Variants in USP7 observed in about 807,000 individuals in gnomAD.
USP7 encodes the protein ubiquitin C-terminal hydrolase 7.
A neutral mutation model predicts 162.9 loss-of-function variants in USP7; 9 were observed. The observed-to-expected ratio is 0.06, with a 90% CI of 0.03 to 0.10. The LOEUF (loss-of-function observed/expected upper bound fraction) is 0.10. Among genes scored for constraint, USP7 ranks in the 10% least tolerant of loss-of-function variants. The pLI is 1.00. For synonymous variants in USP7, 562 were observed against 475.9 expected (o/e 1.18, Z -2.35); for missense variants, 715 against 1,373.7 (o/e 0.52, Z 7.58).
At chr16:8,895,930 G>A (rs372283736) in intron 26 of USP7, among the ~76,000 whole-genome samples, 189 bp from the exon 27 acceptor site, 2 of 151,002 alleles carry the variant, frequency 1.3e-5, no homozygotes, top group African/African-American at 4.9e-5. Flanking sequence ...TCCGCCTCCC[G>A]GGTTCAAGCA....
rs2061769708 is a variant in USP7 at position 8,901,288 on chromosome 16, TAAAAAACAAAAAAACAAACAAACA to T, written c.2048-78_2048-55del. Reference sequence around the variant, plus strand: ...AGATCCAAACACTCAGCACAATGCTTAAAAAACAAAAAAACAAACAAACAAAAAAACGAAAAAAAAAAAACAGTA... The same window carrying T: ...AGATCCAAACACTCAGCACAATGCTTAAAAAACGAAAAAAAAAAAACAGTA... On this transcript the variant is annotated intron_variant, in intron 18 of 30. Transcript: ENST00000344836. The T allele has an allele frequency of 3.3e-6, 4 of 1,219,206 alleles. No homozygotes were observed. The African/African-American group carries it at 6.8e-5, about 21-fold the overall frequency. The allele number at this position is 1,219,206 out of a possible 1,614,324, so 75.5% of individuals were successfully genotyped here.
At chr16:8,919,166 G>T in intron 5 of USP7, 27 bp from the exon 6 acceptor site, 1 of 1,602,062 alleles carries the variant, frequency 6.2e-7, no homozygotes, top group Non-Finnish European at 8.6e-7. Flanking sequence ...AGGTTGAGGG[G>T]ATCTTGCAGA....
At chr16:8,954,482 G>A (rs1224837609) in intron 1 of USP7, among the ~76,000 whole-genome samples, 1 of 152,138 alleles carries the variant, frequency 6.6e-6, no homozygotes, top group Admixed American at 6.5e-5. Context: ...CCACAATACA[G>A]CTTGTGAGAT....
At chr16:8,929,773 T>A (rs1008325463) in intron 2 of USP7, among the ~76,000 whole-genome samples, 1 of 152,152 alleles carries the variant, frequency 6.6e-6, no homozygotes, top group South Asian at 2.1e-4. Flanking sequence ...TGCACATACA[T>A]ATGAGTATGC....
Position 8,893,303 on chromosome 16 carries a change from T to G in USP7, c.*695A>C, listed in dbSNP as rs1342637687. On this transcript the variant is annotated 3_prime_UTR_variant, in exon 31 of 31. Transcript: ENST00000344836. The stretch of plus-strand genomic sequence containing the variant: ...TCTGCCAAGGCAGCAGAGTAAACCT[T>G]AATTGAATTTAACAATGTTCTTGAT... The G allele has an allele frequency of 6.6e-6, 1 of 152,238 alleles. No individual in the cohort carries two copies. The highest frequency in any genetic ancestry group is 1.5e-5 in the Non-Finnish European group (1 of 68,088). 9.4% of individuals were successfully genotyped at this position (152,238 alleles called of 1,614,324 possible). A position where few individuals can be genotyped will look rare whatever the true frequency, so the allele number is the denominator to read the frequency against.
intron 21 of USP7, 182 bp from the exon 22 acceptor site, chr16:8,899,939 C>A: frequency 1.4e-6 from 1 of 703,818 alleles, no homozygotes; most frequent in Non-Finnish European, 2.4e-6. Context: ...GGCAAGTATG[C>A]ATGGGGATGC....
chr16:8,895,075 C>T lies in USP7; in HGVS notation c.2995G>A (p.Val999Ile). 1 of 1,614,232 alleles carries T rather than the reference C, an allele frequency of 6.2e-7. No homozygotes were observed. The highest frequency in any genetic ancestry group is 8.5e-7 in the Non-Finnish European group (1 of 1,180,038). The change falls in exon 28 of 31, where the codon GTC becomes ATC. Residue 999 changes from valine (V) to isoleucine (I), a missense_variant. Val to Ile is a conservative substitution (Grantham distance 29). Around this residue, in one of 11 missense-constraint regions of USP7, gnomAD observed 222 missense variants for 441.7 expected, o/e 0.50. Coordinates refer to ENST00000344836, the MANE Select transcript of USP7 (RefSeq NM_003470.3). ...AACGGGATTCCGAACGTTCCGAAGA[C>T]CTCTTTGTGGAAATGCGCCACTGTG... is the stretch of plus-strand genomic sequence containing the variant. ...LVTVAHFHKEVFGTFGIPFLL... is the reference protein window; with the variant it reads ...LVTVAHFHKEIFGTFGIPFLL...
Position 8,902,282 on chromosome 16 carries a change from C to A in USP7, c.1942-95G>T, listed in dbSNP as rs2061786862. The A allele has an allele frequency of 5.7e-6, 9 of 1,573,622 alleles. No homozygotes were observed. In the South Asian group the frequency reaches 9.1e-5, roughly 16 times the overall value. On this transcript the variant is annotated intron_variant, in intron 17 of 30. Coordinates refer to ENST00000344836, the MANE Select transcript of USP7 (RefSeq NM_003470.3). ...CAAGTATTGAAGAAAACGTCCAATT[C>A]TAGTTAAGTGGACCAAAAGGGAAAC...
At chr16:8,947,194 C>G (rs1255853045) in intron 1 of USP7, among the ~76,000 whole-genome samples, 1 of 152,160 alleles carries the variant, frequency 6.6e-6, no homozygotes, top group Non-Finnish European at 1.5e-5. Context: ...TCTATTACAA[C>G]AGACAATAAA....
At chr16:8,901,447 C>T (rs1362461059) in intron 18 of USP7, among the ~76,000 whole-genome samples, 1 of 152,152 alleles carries the variant, frequency 6.6e-6, no homozygotes, top group Admixed American at 6.5e-5. Flanking sequence ...TTCCAAACAT[C>T]AGACCCATGG....
Position 8,898,454 on chromosome 16 carries a change from G to A in USP7, c.2641-17C>T, listed in dbSNP as rs998571227. 4.3e-6 allele frequency: 7 copies of A among 1,610,300 alleles called. No homozygotes were observed. Among genetic ancestry groups the A allele is most frequent in the Non-Finnish European group, 5.1e-6 (6 of 1,178,502 alleles). On this transcript the variant is annotated splice_polypyrimidine_tract_variant and intron_variant, in intron 24 of 30. Transcript: ENST00000344836. ...CATCTTAAGCTATTAAGAAAAGAAA[G>A]ATTCACATCAGATACCGTCACCAAA...
intron 6 of USP7, 138 bp downstream of exon 6, chr16:8,918,893 G>GC: frequency 1.2e-6 from 1 of 809,876 alleles, no homozygotes; most frequent in Non-Finnish European, 2.0e-6. Context: ...GAATGAAAAC[G>GC]CAGCATGAAC....
In USP7 at chr16:8,920,043, C is replaced by A. The variant is rs1596377818; in HGVS notation, c.611+316G>T. Among the ~76,000 whole-genome samples, 8 of 152,344 alleles carry A rather than the reference C, an allele frequency of 5.3e-5. No individual in the cohort carries two copies. The South Asian group carries it at 1.7e-3, about 32-fold the overall frequency. Reference sequence around the variant, plus strand: ...TGCCCTCATCAAAGTAACAACGGAGCATCTCTGCTCTGGGTATTTATGTAC... The same window carrying A: ...TGCCCTCATCAAAGTAACAACGGAGAATCTCTGCTCTGGGTATTTATGTAC... On this transcript the variant is annotated intron_variant, in intron 5 of 30. Transcript: ENST00000344836.
intron 2 of USP7, among the ~76,000 whole-genome samples, chr16:8,928,865 T>C (rs1337917960): frequency 6.6e-6 from 1 of 152,076 alleles, no homozygotes; most frequent in Non-Finnish European, 1.5e-5. Flanking sequence ...TCATAAGTCA[T>C]TCTCCCCAGG....
intron 6 of USP7, among the ~76,000 whole-genome samples, chr16:8,918,255 C>A (rs961612549): frequency 2.0e-5 from 3 of 152,172 alleles, no homozygotes; most frequent in African/African-American, 7.2e-5. Flanking sequence ...CCAGCCAGCT[C>A]CCTGCCCACC....
chr16:8,948,436 C>T (rs906908304), intron 1 of USP7, among the ~76,000 whole-genome samples: 28 of 152,306 alleles, frequency 1.8e-4, no homozygotes, highest in Admixed American at 6.5e-4. Flanking sequence ...CCACCGGCCT[C>T]GGCCTCCCAA....
At chr16:8,927,705 A>T (rs1267371691) in intron 2 of USP7, among the ~76,000 whole-genome samples, 1 of 152,136 alleles carries the variant, frequency 6.6e-6, no homozygotes, top group African/African-American at 2.4e-5. Flanking sequence ...GCGTGGTGGC[A>T]TTTGCCTGTA....
intron 1 of USP7, 138 bp from the exon 2 acceptor site, chr16:8,930,535 C>G: frequency 1.7e-6 from 1 of 604,200 alleles, no homozygotes; most frequent in Non-Finnish European, 2.7e-6. Context: ...TCATTCTAAT[C>G]CAAAAAATAT....
At chr16:8,959,746 C>G (rs1899936755) in intron 1 of USP7, among the ~76,000 whole-genome samples, 1 of 152,300 alleles carries the variant, frequency 6.6e-6, no homozygotes, top group Non-Finnish European at 1.5e-5. Context: ...CAAGAGAACT[C>G]ACATTCTACT....
Sources: allele counts gnomAD v4.1 joint callset (sites outside exome capture counted in the v4.1 genomes callset), GRCh38; gene constraint gnomAD v4.1.1; regional missense constraint gnomAD v4.1.1; transcripts MANE v1.5; gene names NCBI Gene and HGNC (gene_info 2026-07-23, HGNC 2026-07-21).